The following NAA11 variants were observed in gnomAD, a reference collection of about 807,000 sequenced individuals.
NAA11 encodes the protein N-alpha-acetyltransferase 11, NatA catalytic subunit, also known as N-alpha-acetyltransferase 11.
Under a neutral mutation model 16.1 loss-of-function variants are expected in NAA11, and 15 were observed. The ratio of observed to expected loss-of-function variants is 0.93; its 90% CI spans 0.62 to 1.44. NAA11 has a LOEUF of 1.44. Ranked by LOEUF, NAA11 falls within the 40% of genes most tolerant of loss-of-function variation. The pLI, the probability that NAA11 is intolerant of heterozygous loss-of-function variation, is 0.00. For synonymous variants in NAA11, 122 were observed against 112.4 expected (o/e 1.09, Z -0.54); for missense variants, 298 against 291.3 (o/e 1.02, Z -0.17).
chr4:79,317,216 G>C lies in NAA11; in HGVS notation c.*588C>G, dbSNP rs974278228. On this transcript the variant is annotated 3_prime_UTR_variant, in exon 2 of 2. Coordinates refer to ENST00000286794, the MANE Select transcript of NAA11 (RefSeq NM_032693.3). ...CTAACTTAACACCTTTTCCCACTGG[G>C]AAGGTGATGCCCTCCTCCTCAAAAA... 10 of 152,028 alleles carry C rather than the reference G, an allele frequency of 6.6e-5. No individual in the cohort carries two copies. Among genetic ancestry groups the C allele is most frequent in the Non-Finnish European group, 1.2e-4 (8 of 68,010 alleles). The allele number at this position is 152,028 out of a possible 1,614,324, so 9.4% of individuals were successfully genotyped here.
chr4:79,158,489 A>G, the NAA11 span, among the ~76,000 whole-genome samples: 9 of 152,130 alleles, frequency 5.9e-5, no homozygotes, highest in African/African-American at 2.2e-4. Flanking sequence ...AACACATCCC[A>G]TGCTCATGGA....
the NAA11 span, among the ~76,000 whole-genome samples, chr4:79,192,311 T>C: frequency 1.4e-4 from 22 of 151,818 alleles, 1 homozygote; most frequent in Middle Eastern, 0.01. Context: ...ATGTGCCATG[T>C]TGGTGTGCTG....
At chr4:79,319,887 T>A (rs1190430309) in intron 1 of NAA11, among the ~76,000 whole-genome samples, 1 of 152,200 alleles carries the variant, frequency 6.6e-6, no homozygotes, top group Non-Finnish European at 1.5e-5. Context: ...TCTGGTAAAA[T>A]TAAGAACAGT....
At chr4:79,303,076 TTATA>T (rs59261096) in intron 1 of NAA11, among the ~76,000 whole-genome samples, 1,072 of 67,260 alleles carry the variant, frequency 0.016, 8 homozygotes, top group Middle Eastern at 0.028. Flanking sequence ...TTGAGGCCTT[TTATA>T]TATATATATA....
At position 79,264,488 on chromosome 4, in the gene NAA11, C is replaced by T. The variant is rs562156032; in HGVS notation, c.*122+29517G>A. On this transcript the variant is annotated intron_variant and NMD_transcript_variant, in intron 2 of 2. Transcript: ENST00000511542. ...CAGCAAAACTAACAAAAAGAGTTGT[C>T]TATTCTCACTGTCTTTCACATACTT... is the stretch of plus-strand genomic sequence containing the variant. 1.6e-4 allele frequency among the ~76,000 whole-genome samples: 24 copies of T among 152,268 alleles called. No homozygotes were observed. In the South Asian group the frequency reaches 5.0e-3, roughly 32 times the overall value.
the NAA11 span, among the ~76,000 whole-genome samples, chr4:79,190,334 G>A: frequency 3.3e-5 from 5 of 152,030 alleles, no homozygotes; most frequent in South Asian, 6.2e-4. Context: ...GGCCTCATAC[G>A]TAAAATCATT....
chr4:79,242,308 C>G (rs766749437), intron 2 of NAA11, among the ~76,000 whole-genome samples: 4 of 152,210 alleles, frequency 2.6e-5, no homozygotes, highest in Non-Finnish European at 5.9e-5. Flanking sequence ...CTACCAGTTT[C>G]AGTCCACCTG....
At chr4:79,267,380 C>G (rs1387358199) in intron 2 of NAA11, among the ~76,000 whole-genome samples, 1 of 152,136 alleles carries the variant, frequency 6.6e-6, no homozygotes, top group Admixed American at 6.6e-5. Flanking sequence ...TTTAGCAGTA[C>G]AATTCTAAAA....
At chr4:79,262,905 T>C (rs1461218760) in intron 2 of NAA11, among the ~76,000 whole-genome samples, 1 of 152,152 alleles carries the variant, frequency 6.6e-6, no homozygotes, top group African/African-American at 2.4e-5. Flanking sequence ...TATATATCTA[T>C]CATCATGCTA....
the NAA11 span, among the ~76,000 whole-genome samples, chr4:79,204,940 C>T: frequency 2.0e-4 from 31 of 151,492 alleles, no homozygotes; most frequent in African/African-American, 7.3e-4. Context: ...CACACACACA[C>T]ACACACACAC....
chr4:79,290,311 A>G (rs538877196), intron 2 of NAA11, among the ~76,000 whole-genome samples: 2 of 152,270 alleles, frequency 1.3e-5, no homozygotes, highest in Non-Finnish European at 2.9e-5. Context: ...CTCAGAACAG[A>G]AAAAGGAAAA....
At chr4:79,249,123 C>T (rs1412395690) in intron 2 of NAA11, among the ~76,000 whole-genome samples, 3 of 152,188 alleles carry the variant, frequency 2.0e-5, no homozygotes, top group Admixed American at 1.3e-4. Flanking sequence ...CTAAAATCTT[C>T]CAGAAAGGAA....
chr4:79,235,009 A>C (rs539289041), intron 2 of NAA11, among the ~76,000 whole-genome samples: 5 of 152,102 alleles, frequency 3.3e-5, no homozygotes, highest in Admixed American at 6.6e-5. Context: ...TAGTTAATAA[A>C]GAAATGTAGG....
chr4:79,308,712 T>A (rs529904854), intron 1 of NAA11: 1 of 152,316 alleles, frequency 6.6e-6, no homozygotes, highest in Non-Finnish European at 1.5e-5. Flanking sequence ...CCAATCTATA[T>A]TACTTCAGAT....
At chr4:79,287,389 G>A (rs1266764218) in intron 2 of NAA11, among the ~76,000 whole-genome samples, 7 of 151,976 alleles carry the variant, frequency 4.6e-5, no homozygotes, top group Non-Finnish European at 8.8e-5. Flanking sequence ...TGAACCTTTC[G>A]GGGTAGCCAG....
chr4:79,324,590 A>T (rs1363088774), intron 1 of NAA11, among the ~76,000 whole-genome samples: 1 of 152,196 alleles, frequency 6.6e-6, no homozygotes, highest in Admixed American at 6.5e-5. Context: ...GTAAAATGGT[A>T]GTCAGATCTC....
At chr4:79,222,057 G>C (rs1578147993), downstream of NAA11, among the ~76,000 whole-genome samples, 1 of 150,386 alleles carries the variant, frequency 6.6e-6, no homozygotes, top group Non-Finnish European at 1.5e-5. Context: ...TTCAGCTCCT[G>C]TTATTGGTCT....
intron 1 of NAA11, among the ~76,000 whole-genome samples, chr4:79,295,776 T>A (rs929613441): frequency 6.6e-6 from 1 of 152,238 alleles, no homozygotes. Flanking sequence ...TAAAGTATCA[T>A]GCTTCTCATA....
chr4:79,166,787 G>A, the NAA11 span, among the ~76,000 whole-genome samples: 2 of 148,926 alleles, frequency 1.3e-5, no homozygotes, highest in African/African-American at 2.5e-5. Flanking sequence ...GAGAATTGCT[G>A]CAACCTGGGA....
Sources: allele counts gnomAD v4.1 joint callset (sites outside exome capture counted in the v4.1 genomes callset), GRCh38; gene constraint gnomAD v4.1.1; transcripts MANE v1.5; gene names NCBI Gene and HGNC (gene_info 2026-07-23, HGNC 2026-07-21).